The following CBFA2T2 variants were observed in gnomAD, a reference collection of about 807,000 sequenced individuals.
CBFA2T2 encodes protein CBFA2T2.
CBFA2T2 carries 11 observed loss-of-function variants against 62.2 expected under a neutral mutation model. That is an observed-to-expected ratio of 0.18 (90% CI 0.11 to 0.29). CBFA2T2 has a LOEUF of 0.29. CBFA2T2 is among the 10% of genes least tolerant of loss of function. The probability of loss-of-function intolerance (pLI) is 1.00; values close to 1 mark genes in which losing one functional copy is unlikely to be tolerated. For missense variants in CBFA2T2, 592 were observed against 774.1 expected (o/e 0.76, Z 2.79); for synonymous variants, 295 against 287.5 (o/e 1.03, Z -0.27).
chr20:33,580,711 G>A (rs899862427), intron 1 of CBFA2T2, among the ~76,000 whole-genome samples: 6 of 152,144 alleles, frequency 3.9e-5, no homozygotes, highest in Non-Finnish European at 8.8e-5. Context: ...AATTAGCCAG[G>A]CGTGGTGGTA....
At chr20:33,533,288 A>G (rs2012111094) in intron 1 of CBFA2T2, among the ~76,000 whole-genome samples, 1 of 152,064 alleles carries the variant, frequency 6.6e-6, no homozygotes, top group Non-Finnish European at 1.5e-5. Flanking sequence ...TCTCCCTCCC[A>G]TGCTCCCCCT....
At chr20:33,629,617 C>A in intron 7 of CBFA2T2, 102 bp from the exon 8 acceptor site, 1 of 1,063,658 alleles carries the variant, frequency 9.4e-7, no homozygotes, top group Non-Finnish European at 1.4e-6. Flanking sequence ...TAAATCTGTA[C>A]TTTAAGGAAC....
intron 1 of CBFA2T2, among the ~76,000 whole-genome samples, chr20:33,541,623 T>C (rs557595445): frequency 9.8e-5 from 15 of 152,312 alleles, no homozygotes; most frequent in African/African-American, 3.6e-4. Flanking sequence ...CACAGTTATG[T>C]TCCTGGTTTG....
intron 1 of CBFA2T2, among the ~76,000 whole-genome samples, chr20:33,540,971 T>C (rs1824667469): frequency 1.3e-5 from 2 of 152,196 alleles, no homozygotes; most frequent in Admixed American, 6.5e-5. Context: ...ACTAGCTTAA[T>C]GAATTTGGCT....
chr20:33,582,265 G>A (rs2014152598), intron 1 of CBFA2T2, among the ~76,000 whole-genome samples: 1 of 151,886 alleles, frequency 6.6e-6, no homozygotes, highest in Admixed American at 6.6e-5. Flanking sequence ...GGCTGAGGTG[G>A]GTGGATCGTC....
chr20:33,634,709 A>T (rs1290496205), intron 8 of CBFA2T2, among the ~76,000 whole-genome samples: 3 of 148,838 alleles, frequency 2.0e-5, no homozygotes, highest in Non-Finnish European at 3.0e-5. Flanking sequence ...ATCTGAATAT[A>T]TGTGTTTAAT....
intron 1 of CBFA2T2, among the ~76,000 whole-genome samples, chr20:33,554,292 A>T (rs1392018029): frequency 5.1e-5 from 7 of 138,478 alleles, no homozygotes; most frequent in Non-Finnish European, 9.2e-5. Flanking sequence ...TTGCTCTGTC[A>T]CCCAAGCTGG....
chr20:33,494,273 A>ATATATATAT (rs1568783119), intron 1 of CBFA2T2, among the ~76,000 whole-genome samples: 1 of 21,358 alleles, frequency 4.7e-5, no homozygotes, highest in Non-Finnish European at 7.1e-5. Flanking sequence ...ATATATATAT[A>ATATATATAT]TTTTTTTTTT....
At chr20:33,624,169 TC>T (rs1162701076) in intron 5 of CBFA2T2, among the ~76,000 whole-genome samples, 1 of 150,618 alleles carries the variant, frequency 6.6e-6, no homozygotes, top group Non-Finnish European at 1.5e-5. Context: ...ATCAAAATAT[TC>T]TATGGGTTAT....
chr20:33,567,103 T>C (rs1418247882), intron 1 of CBFA2T2, among the ~76,000 whole-genome samples: 3 of 152,254 alleles, frequency 2.0e-5, no homozygotes, highest in Admixed American at 6.5e-5. Context: ...GTATTTTCAC[T>C]GGCTGATGGA....
chr20:33,619,490 G>T (rs1276138660), intron 3 of CBFA2T2, 27 bp from the exon 4 acceptor site: 2 of 1,409,352 alleles, frequency 1.4e-6, no homozygotes, highest in Non-Finnish European at 1.9e-6. Flanking sequence ...AGTTTTGGAA[G>T]TTGAACAAGG....
chr20:33,564,819 A>G (rs1166114735), intron 1 of CBFA2T2, among the ~76,000 whole-genome samples: 3 of 152,052 alleles, frequency 2.0e-5, no homozygotes, highest in Non-Finnish European at 2.9e-5. Context: ...ACCTCAAGCA[A>G]TAGAGCCACC....
At position 33,518,643 on chromosome 20, in the gene CBFA2T2, A is replaced by T. The variant is rs1201793608; in HGVS notation, c.34+28342A>T. Among the ~76,000 whole-genome samples, 4 of 151,794 alleles carry T rather than the reference A, an allele frequency of 2.6e-5. No individual in the cohort carries two copies. In the East Asian group the frequency reaches 7.8e-4, roughly 30 times the overall value. On this transcript the variant is annotated intron_variant, in intron 1 of 10. Coordinates refer to ENST00000342704, the MANE Select transcript of CBFA2T2 (RefSeq NM_001032999.3). ...AAAAATTAGCTGGGCATGGTGGCAC[A>T]TGCCTATAATCCCAGCTACTTGGGA...
intron 1 of CBFA2T2, among the ~76,000 whole-genome samples, chr20:33,580,325 A>G (rs2014054860): frequency 6.6e-6 from 1 of 152,202 alleles, no homozygotes; most frequent in African/African-American, 2.4e-5. Flanking sequence ...AATAAACTTT[A>G]CTAAATAAAG....
At chr20:33,626,050 C>T (rs191296675) in intron 6 of CBFA2T2, among the ~76,000 whole-genome samples, 15 of 152,082 alleles carry the variant, frequency 9.9e-5, no homozygotes, top group African/African-American at 2.9e-4. Flanking sequence ...TGCAGTGAGC[C>T]GAGATCACGC....
At chr20:33,496,565 C>CTA (rs1015545783) in intron 1 of CBFA2T2, among the ~76,000 whole-genome samples, 1 of 152,106 alleles carries the variant, frequency 6.6e-6, no homozygotes, top group Non-Finnish European at 1.5e-5. Context: ...TCAAGGAAGT[C>CTA]TAAACAGTTA....
chr20:33,615,254 C>A (rs2015664688), intron 3 of CBFA2T2, among the ~76,000 whole-genome samples: 1 of 152,122 alleles, frequency 6.6e-6, no homozygotes, highest in African/African-American at 2.4e-5. Flanking sequence ...TACTGAGAGT[C>A]CCTAACTATA....
At chr20:33,558,122 TGGGCGCG>T (rs2012964034) in intron 1 of CBFA2T2, among the ~76,000 whole-genome samples, 1 of 150,644 alleles carries the variant, frequency 6.6e-6, no homozygotes, top group African/African-American at 2.4e-5. Flanking sequence ...CCACTGCGCC[TGGGCGCG>T]CTCTCTCTTT....
At chr20:33,625,722 AG>A (rs2016197011) in intron 6 of CBFA2T2, among the ~76,000 whole-genome samples, 1 of 152,132 alleles carries the variant, frequency 6.6e-6, no homozygotes, top group Admixed American at 6.5e-5. Flanking sequence ...CCAAGGCAGG[AG>A]GATCACTTGA....
Sources: allele counts gnomAD v4.1 joint callset (sites outside exome capture counted in the v4.1 genomes callset), GRCh38; gene constraint gnomAD v4.1.1; transcripts MANE v1.5; gene names NCBI Gene and HGNC (gene_info 2026-07-23, HGNC 2026-07-21).